Variants in C5AR1 observed in about 807,000 individuals in gnomAD.
C5AR1 encodes complement C5a receptor 1, also known as C5a anaphylatoxin chemotactic receptor 1.
In C5AR1, 4 loss-of-function variants were observed where a neutral mutation model predicts 2.4. The ratio of observed to expected loss-of-function variants is 1.65; its 90% confidence interval spans 0.81 to 3.77. C5AR1 has a LOEUF of 3.77. Ranked by LOEUF, C5AR1 falls within the 30% of genes most tolerant of loss-of-function variation. The pLI, the probability that C5AR1 is intolerant of heterozygous loss-of-function variation, is 0.01. For synonymous variants in C5AR1, 209 were observed against 210.4 expected, an observed-to-expected ratio of 0.99 and a Z score of 0.06; for missense variants, 418 against 462.5, an observed-to-expected ratio of 0.90 and a Z score of 0.88.
In C5AR1 at chr19:47,320,803, T is replaced by G. The variant is rs778804975; in HGVS notation, c.1026T>G (p.Thr342=). 6.2e-6 allele frequency: 10 copies of G among 1,612,684 alleles called. No individual in the cohort carries two copies. In the East Asian group the frequency reaches 1.8e-4, roughly 29 times the overall value. The stretch of plus-strand genomic sequence containing the variant: ...CATTCACGCGCTCCACAGTGGACAC[T>G]ATGGCCCAGAAGACCCAGGCAGTGT... The part of the protein sequence containing the change: ...SKSFTRSTVD[T]MAQKTQAV Residue 342 remains threonine, a synonymous_variant, in exon 2 of 2, where the codon ACT becomes ACG. Coordinates refer to ENST00000355085, the MANE Select transcript of C5AR1 (RefSeq NM_001736.4). The surrounding 1 kb of genome is among the most constrained non-coding windows in gnomAD (Gnocchi z 4.9).
In C5AR1 at chr19:47,320,844, G is replaced by T. The variant is rs1323309912; in HGVS notation, c.*14G>T. On this transcript the variant is annotated 3_prime_UTR_variant, in exon 2 of 2. Transcript: ENST00000355085. The surrounding 1 kb of genome is among the most constrained non-coding windows in gnomAD (Gnocchi z 4.9). The stretch of plus-strand genomic sequence containing the variant: ...CAGGCAGTGTAGGCGACAGCCTCAT[G>T]GGCCACTGTGGCCCGATGTCCCCTT... 6.3e-7 allele frequency: 1 copy of T among 1,588,502 alleles called. No homozygotes were observed. The highest frequency in any genetic ancestry group is 1.1e-5 in the South Asian group (1 of 89,514).
rs771127357 is a variant in C5AR1, at chr19:47,320,125, C to T, written c.348C>T (p.Ile116=). The T allele has an allele frequency of 6.2e-7, 1 of 1,614,206 alleles. No homozygotes were observed. Among genetic ancestry groups the T allele is most frequent in the Admixed American group, 1.7e-5 (1 of 60,026 alleles). Residue 116 remains isoleucine (I), a synonymous_variant, in exon 2 of 2, where the codon ATC becomes ATT. Coordinates refer to ENST00000355085, the MANE Select transcript of C5AR1 (RefSeq NM_001736.4). This position sits in a 1 kb window ranked among gnomAD's most constrained non-coding sequence, Gnocchi z 4.9. ...GAACSILPSL[I]LLNMYASILL... ...CCTGCAGCATCCTGCCCTCCCTCAT[C>T]CTGCTCAACATGTACGCCAGCATCC...
chr19:47,317,322 TACAGTGAGACCCTCCTCTTTAAAAAA>T (rs1428696710), intron 1 of C5AR1, among the ~76,000 whole-genome samples: 1 of 149,974 alleles, frequency 6.7e-6, no homozygotes, highest in African/African-American at 2.5e-5. Flanking sequence ...GCCTGGGCAA[TACAGTGAGACCCTCCTCTTTAAAAAA>T]ACATTAAAAA....
chr19:47,319,729 C>G, intron 1 of C5AR1, 52 bp from the exon 2 acceptor site: 1 of 1,219,112 alleles, frequency 8.2e-7, no homozygotes, highest in Middle Eastern at 2.0e-4. Context: ...TGCCCCCTAC[C>G]CGGGCACATG....
chr19:47,318,535 C>T (rs896231786), intron 1 of C5AR1, among the ~76,000 whole-genome samples: 1 of 152,098 alleles, frequency 6.6e-6, no homozygotes, highest in Non-Finnish European at 1.5e-5. Context: ...CTCAGGTGAT[C>T]TGCCCACCTT....
chr19:47,315,961 G>A (rs1020554279), intron 1 of C5AR1, among the ~76,000 whole-genome samples: 4 of 150,808 alleles, frequency 2.7e-5, no homozygotes, highest in South Asian at 2.1e-4. Flanking sequence ...CCATCCATCT[G>A]TCCATCGATT....
In C5AR1 at chr19:47,321,625, C is replaced by CA. The variant is rs1164956498; in HGVS notation, c.*800dup. The CA allele has an allele frequency of 2.0e-5, 3 of 152,170 alleles. No individual in the cohort carries two copies. Among genetic ancestry groups the CA allele is most frequent in the Admixed American group, 6.5e-5 (1 of 15,270 alleles). The allele number at this position is 152,170 out of a possible 1,614,324, so 9.4% of individuals were successfully genotyped here. A position where few individuals can be genotyped will look rare whatever the true frequency, so the allele number is the denominator to read the frequency against. On this transcript the variant is annotated 3_prime_UTR_variant, in exon 2 of 2. Transcript: ENST00000355085. ...CTCTGTCTCAAAAGCAAAGCAAAAA[C>CA]AAAAACAAAAACACCTAAAAAACCT...
intron 1 of C5AR1, among the ~76,000 whole-genome samples, chr19:47,315,232 T>C (rs983891634): frequency 6.6e-6 from 1 of 152,160 alleles, no homozygotes; most frequent in Non-Finnish European, 1.5e-5. Context: ...TGCCTGGATG[T>C]ACCATCATTA....
intron 1 of C5AR1, among the ~76,000 whole-genome samples, chr19:47,314,701 T>G (rs1247823992): frequency 6.6e-6 from 1 of 150,396 alleles, no homozygotes; most frequent in Non-Finnish European, 1.5e-5. Context: ...TCCAGCCTAT[T>G]TTATTTTTTA....
chr19:47,308,050 T>TA (rs528705472), upstream of C5AR1, among the ~76,000 whole-genome samples: 816 of 151,440 alleles, frequency 5.4e-3, 6 homozygotes, highest in Non-Finnish European at 8.4e-3. Context: ...ACGTCTCTAC[T>TA]AAAAATACAA....
intron 1 of C5AR1, 94 bp from the exon 2 acceptor site, chr19:47,319,687 C>A: frequency 1.3e-6 from 1 of 781,636 alleles, no homozygotes; most frequent in Non-Finnish European, 2.1e-6. Context: ...GAAAAAGCCA[C>A]ACAGGGGAAA....
rs142732453 is a variant in C5AR1 at position 47,319,892 on chromosome 19, C to G, written c.115C>G (p.Leu39Val). Residue 39 changes from leucine (L) to valine (V), a missense_variant, in exon 2 of 2, where the codon CTG becomes GTG. Leu to Val is a conservative substitution (Grantham distance 32). Transcript: ENST00000355085. ...TAACACGCTGCGTGTTCCAGACATC[C>G]TGGCCTTGGTCATCTTTGCAGTCGT... Reference protein sequence around the residue: ...TSNTLRVPDILALVIFAVVFL... With the variant: ...TSNTLRVPDIVALVIFAVVFL... 7.5e-4 allele frequency: 1,213 copies of G among 1,614,260 alleles called. 1 individual carries two copies. Among genetic ancestry groups the G allele is most frequent in the Middle Eastern group, 3.3e-3 (20 of 6,062 alleles).
chr19:47,316,428 T>C (rs2059288746), intron 1 of C5AR1: 1 of 150,864 alleles, frequency 6.6e-6, no homozygotes, highest in African/African-American at 2.5e-5. Context: ...TTTATTTATA[T>C]CCATCCATCT....
upstream of C5AR1, among the ~76,000 whole-genome samples, chr19:47,309,403 G>A (rs769715742): frequency 3.9e-5 from 6 of 151,922 alleles, no homozygotes; most frequent in South Asian, 6.2e-4. Context: ...GCGAAACCCC[G>A]TCTTTACTAA....
In C5AR1 at chr19:47,320,848, C is replaced by T; in HGVS notation, c.*18C>T. 1 of 1,580,628 alleles carries T rather than the reference C, an allele frequency of 6.3e-7. No homozygotes were observed. On this transcript the variant is annotated 3_prime_UTR_variant, in exon 2 of 2. Transcript: ENST00000355085. The surrounding 1 kb of genome is among the most constrained non-coding windows in gnomAD (Gnocchi z 4.9). The stretch of plus-strand genomic sequence containing the variant: ...CAGTGTAGGCGACAGCCTCATGGGC[C>T]ACTGTGGCCCGATGTCCCCTTCCTT...
upstream of C5AR1, chr19:47,307,667 T>G (rs1328227975): frequency 1.3e-5 from 2 of 152,108 alleles, no homozygotes; most frequent in African/African-American, 4.8e-5. Flanking sequence ...GCCCGCAGTT[T>G]GTGCTAATTG....
rs2059307753 is a variant in C5AR1 at position 47,320,773 on chromosome 19, C to T, written c.996C>T (p.Ser332=). Reference sequence around the variant, plus strand: ...CTGAAGAGTCCGTGGTTAGGGAGAGCAAGTCATTCACGCGCTCCACAGTGG... The same window carrying T: ...CTGAAGAGTCCGTGGTTAGGGAGAGTAAGTCATTCACGCGCTCCACAGTGG... ...VLTEESVVRE[S]KSFTRSTVDT... The change falls in exon 2 of 2, where the codon AGC becomes AGT. Residue 332 remains serine (S), a synonymous_variant. Coordinates refer to ENST00000355085, the MANE Select transcript of C5AR1 (RefSeq NM_001736.4). The surrounding 1 kb of genome is among the most constrained non-coding windows in gnomAD (Gnocchi z 4.9). 1 of 1,614,012 alleles carries T rather than the reference C, an allele frequency of 6.2e-7. No homozygotes were observed. Among genetic ancestry groups the T allele is most frequent in the Non-Finnish European group, 8.5e-7 (1 of 1,180,040 alleles).
At chr19:47,311,464 G>A (rs2059270331) in intron 1 of C5AR1, among the ~76,000 whole-genome samples, 1 of 151,582 alleles carries the variant, frequency 6.6e-6, no homozygotes, top group Non-Finnish European at 1.5e-5. Flanking sequence ...AGCCGAGATT[G>A]CTCTACTGCA....
chr19:47,313,075 G>A (rs2059275757), intron 1 of C5AR1, among the ~76,000 whole-genome samples: 1 of 151,954 alleles, frequency 6.6e-6, no homozygotes, highest in South Asian at 2.1e-4. Context: ...CTGGATTCTG[G>A]TGATTCTCCT....
Sources: gnomAD v4.1 joint callset for allele counts (sites outside exome capture counted in the v4.1 genomes callset) on GRCh38, gnomAD v4.1.1 for gene constraint, Gnocchi (gnomAD v3.1) non-coding constraint, MANE v1.5 for transcripts, NCBI Gene and HGNC (gene_info 2026-07-23, HGNC 2026-07-21) for gene names.